The following JAK2 variants were observed in gnomAD, a reference collection of about 807,000 sequenced individuals.
The protein encoded by JAK2 is Janus kinase 2.
Under a neutral mutation model 139.3 loss-of-function variants are expected in JAK2, and 86 were observed. That is an observed-to-expected ratio of 0.62 (90% CI 0.52 to 0.74). The LOEUF (loss-of-function observed/expected upper bound fraction) is 0.74, where lower values mean the gene tolerates loss of function less well. Ranked by LOEUF, JAK2 falls within the 30% of genes least tolerant of loss-of-function variation. The probability of loss-of-function intolerance (pLI) is 0.00; values close to 1 mark genes in which losing one functional copy is unlikely to be tolerated. For synonymous variants in JAK2, 490 were observed against 437.7 expected, an observed-to-expected ratio of 1.12 and a Z score of -1.49; for missense variants, 1,421 against 1,360.3, an observed-to-expected ratio of 1.04 and a Z score of -0.70.
rs1388838723 is a variant in JAK2 at position 5,054,370 on chromosome 9, T to C, written c.615-193T>C. ...TGATAACTTAGAGTGTGTGGATATATTTATATCATCAAACAAAATCTTAAA... is the reference window on the plus strand; with the variant it reads ...TGATAACTTAGAGTGTGTGGATATACTTATATCATCAAACAAAATCTTAAA... On this transcript the variant is annotated intron_variant, in intron 6 of 24. Transcript: ENST00000381652. This position sits in a 1 kb window ranked among gnomAD's most constrained non-coding sequence, Gnocchi z 4.9. Among the ~76,000 whole-genome samples, 2 of 152,030 alleles carry C rather than the reference T, an allele frequency of 1.3e-5. No homozygotes were observed. Among genetic ancestry groups the C allele is most frequent in the Non-Finnish European group, 2.9e-5 (2 of 67,914 alleles).
At chr9:5,013,915 G>C (rs1407084678) in intron 2 of JAK2, among the ~76,000 whole-genome samples, 2 of 152,106 alleles carry the variant, frequency 1.3e-5, no homozygotes, top group African/African-American at 4.8e-5. Flanking sequence ...TGTCATGTAA[G>C]TAGTTTGCAA....
chr9:5,027,869 A>G (rs1380686711), intron 3 of JAK2, among the ~76,000 whole-genome samples: 1 of 152,174 alleles, frequency 6.6e-6, no homozygotes, highest in Non-Finnish European at 1.5e-5. Flanking sequence ...TTCAAGCTCC[A>G]CTTCTAATTT....
chr9:5,032,045 C>T (rs547197168), intron 4 of JAK2, among the ~76,000 whole-genome samples: 2 of 152,282 alleles, frequency 1.3e-5, no homozygotes, highest in East Asian at 1.9e-4. Context: ...CCTGGAAAAT[C>T]GGGTCACTCC....
chr9:5,021,196 G>A (rs1822405612), intron 2 of JAK2, among the ~76,000 whole-genome samples: 1 of 152,070 alleles, frequency 6.6e-6, no homozygotes, highest in South Asian at 2.1e-4. Context: ...CTTGCATTAG[G>A]TGTTTTCTAT....
chr9:5,111,767 C>A, intron 22 of JAK2: 1 of 422,104 alleles, frequency 2.4e-6, no homozygotes, highest in Admixed American at 2.8e-5. Flanking sequence ...GAACGGTGGG[C>A]TTCCGGCTGC....
intron 2 of JAK2, among the ~76,000 whole-genome samples, chr9:5,002,285 T>C (rs1199987921): frequency 6.6e-6 from 1 of 151,992 alleles, no homozygotes; most frequent in Non-Finnish European, 1.5e-5. Flanking sequence ...TTTATAGCTA[T>C]ACATTCTCTC....
At chr9:5,088,205 A>G (rs535863585) in intron 19 of JAK2, among the ~76,000 whole-genome samples, 13 of 152,154 alleles carry the variant, frequency 8.5e-5, no homozygotes, top group Non-Finnish European at 1.2e-4. Flanking sequence ...TCTAGTTCCA[A>G]TCTGACTTGA....
At chr9:5,083,220 T>A (rs866303319) in intron 19 of JAK2, among the ~76,000 whole-genome samples, 12 of 152,196 alleles carry the variant, frequency 7.9e-5, no homozygotes, top group Admixed American at 6.5e-5. Flanking sequence ...ATCTTATTGC[T>A]TAGGGTCTAG....
intron 2 of JAK2, among the ~76,000 whole-genome samples, chr9:5,007,606 T>C: frequency 6.8e-6 from 1 of 146,626 alleles, no homozygotes; most frequent in South Asian, 2.1e-4. Context: ...TGCAACTTAA[T>C]ATACTTTTAT....
rs1481366593 is a variant in JAK2 at position 4,986,019 on chromosome 9, G to C, written c.-29G>C. 6.6e-6 allele frequency: 1 copy of C among 152,654 alleles called. No homozygotes were observed. Among genetic ancestry groups the C allele is most frequent in the South Asian group, 2.1e-4 (1 of 4,826 alleles). 9.5% of individuals were successfully genotyped at this position (152,654 alleles called of 1,614,324 possible). A position where few individuals can be genotyped will look rare whatever the true frequency, so the allele number is the denominator to read the frequency against. ...AAGAGGCTCTTCCTCCTCCTCCCGCGACGGTGGGTGTGCTGTCCTTTATCG... is the reference window on the plus strand; with the variant it reads ...AAGAGGCTCTTCCTCCTCCTCCCGCCACGGTGGGTGTGCTGTCCTTTATCG... On this transcript the variant is annotated 5_prime_UTR_variant, in exon 2 of 25. Coordinates refer to ENST00000381652, the MANE Select transcript of JAK2 (RefSeq NM_004972.4).
At chr9:5,072,088 G>A (rs1017144887) in intron 12 of JAK2, among the ~76,000 whole-genome samples, 3 of 152,124 alleles carry the variant, frequency 2.0e-5, no homozygotes, top group Admixed American at 6.5e-5. Context: ...GCCTGTACAA[G>A]GTCATACAAG....
At chr9:5,124,510 T>G (rs1395748246) in intron 23 of JAK2, among the ~76,000 whole-genome samples, 1 of 151,750 alleles carries the variant, frequency 6.6e-6, no homozygotes, top group African/African-American at 2.4e-5. Flanking sequence ...TCAATGCAGT[T>G]CCTATCAAAA....
chr9:5,062,170 C>G (rs1430954374), intron 8 of JAK2, among the ~76,000 whole-genome samples: 1 of 151,848 alleles, frequency 6.6e-6, no homozygotes, highest in African/African-American at 2.4e-5. Flanking sequence ...ATATAGTATT[C>G]ACAGGATGCA....
intron 22 of JAK2, among the ~76,000 whole-genome samples, chr9:5,107,190 A>G (rs1165709154): frequency 6.6e-6 from 1 of 152,132 alleles, no homozygotes; most frequent in African/African-American, 2.4e-5. Context: ...TTGACTTCCA[A>G]TCAACTAGTT....
At chr9:5,043,447 A>G (rs1816765449) in intron 4 of JAK2, among the ~76,000 whole-genome samples, 1 of 152,248 alleles carries the variant, frequency 6.6e-6, no homozygotes, top group Non-Finnish European at 1.5e-5. Flanking sequence ...AAGACAAACA[A>G]TAACAAGTGT....
chr9:5,118,309 A>G (rs1257181469), intron 22 of JAK2, among the ~76,000 whole-genome samples: 1 of 152,112 alleles, frequency 6.6e-6, no homozygotes, highest in Admixed American at 6.5e-5. Flanking sequence ...TCTCATTCCA[A>G]ATTTTGCATA....
At chr9:5,039,740 A>T (rs1010467040) in intron 4 of JAK2, among the ~76,000 whole-genome samples, 1 of 152,164 alleles carries the variant, frequency 6.6e-6, no homozygotes, top group Non-Finnish European at 1.5e-5. Flanking sequence ...TAACAATAGC[A>T]TAACAAATTT....
At position 4,985,531 on chromosome 9, in the gene JAK2, A is replaced by G. The variant is rs900682900; in HGVS notation, c.-208A>G. The G allele has an allele frequency of 6.6e-6, 1 of 152,412 alleles. No homozygotes were observed. The allele number at this position is 152,412 out of a possible 1,614,324, so 9.4% of individuals were successfully genotyped here. On this transcript the variant is annotated 5_prime_UTR_variant, in exon 1 of 25. Transcript: ENST00000381652. ...AGGGCCCAGCCTGGAGGTCGTTCAG[A>G]GCCGTGCCCGTCCCGGGGCTTCGCA...
chr9:5,116,657 T>C (rs918296538), intron 22 of JAK2, among the ~76,000 whole-genome samples: 1 of 152,180 alleles, frequency 6.6e-6, no homozygotes, highest in Non-Finnish European at 1.5e-5. Context: ...TTATTAAGAC[T>C]CTACTGTGCT....
Sources: allele counts gnomAD v4.1 joint callset (sites outside exome capture counted in the v4.1 genomes callset), GRCh38; gene constraint gnomAD v4.1.1; non-coding constraint Gnocchi (gnomAD v3.1); transcripts MANE v1.5; gene names NCBI Gene and HGNC (gene_info 2026-07-23, HGNC 2026-07-21).